GPM6A: variants seen among roughly 807,000 people sequenced by gnomAD.
The protein encoded by GPM6A is neuronal membrane glycoprotein M6-a.
A neutral mutation model predicts 32.1 loss-of-function variants in GPM6A; 7 were observed. The observed-to-expected ratio is 0.22, with a 90% confidence interval of 0.12 to 0.41. The LOEUF (loss-of-function observed/expected upper bound fraction) is 0.41. GPM6A is among the 10% of genes least tolerant of loss of function. The probability of loss-of-function intolerance (pLI) is 1.00; values close to 1 mark genes in which losing one functional copy is unlikely to be tolerated. For missense variants in GPM6A, 235 were observed against 347.2 expected, an observed-to-expected ratio of 0.68 and a Z score of 2.57; for synonymous variants, 130 against 123.4, an observed-to-expected ratio of 1.05 and a Z score of -0.35.
At chr4:175,869,777 C>CAA (rs1215579614) in intron 1 of GPM6A, among the ~76,000 whole-genome samples, 3 of 127,682 alleles carry the variant, frequency 2.3e-5, no homozygotes, top group African/African-American at 6.5e-5. Flanking sequence ...AAAACAAAAA[C>CAA]AAACAAAAAA....
chr4:175,781,080 G>A (rs534179863), intron 1 of GPM6A: 12 of 151,998 alleles, frequency 7.9e-5, no homozygotes, highest in Admixed American at 5.9e-4. Context: ...ATAACTCAGA[G>A]ATGAATAAAA....
chr4:175,857,884 TA>T (rs1195549605), intron 1 of GPM6A, among the ~76,000 whole-genome samples: 1 of 152,022 alleles, frequency 6.6e-6, no homozygotes, highest in South Asian at 2.1e-4. Flanking sequence ...GAAGAAAGAT[TA>T]AAAAAATAGC....
chr4:175,865,598 T>A (rs1185918844), intron 1 of GPM6A, among the ~76,000 whole-genome samples: 1 of 152,204 alleles, frequency 6.6e-6, no homozygotes, highest in Admixed American at 6.6e-5. Context: ...TCTTCTTTAC[T>A]TTCTTTCATA....
intron 1 of GPM6A, chr4:175,811,926 T>C (rs1734935157): frequency 3.2e-6 from 1 of 311,008 alleles, no homozygotes; most frequent in Admixed American, 5.0e-5. Context: ...AAGACTGGTC[T>C]AAGGAATAGT....
intron 1 of GPM6A, among the ~76,000 whole-genome samples, chr4:175,738,658 A>T (rs962273379): frequency 1.3e-5 from 2 of 152,122 alleles, no homozygotes; most frequent in African/African-American, 4.8e-5. Flanking sequence ...ATGAAAAAAA[A>T]TTTTTATAGA....
chr4:175,881,184 G>T (rs772600416), intron 1 of GPM6A, among the ~76,000 whole-genome samples: 2 of 152,088 alleles, frequency 1.3e-5, no homozygotes, highest in South Asian at 2.1e-4. Context: ...GTGGATGAAG[G>T]ATATGAAAAG....
chr4:175,890,754 C>A (rs1223404944), intron 1 of GPM6A, among the ~76,000 whole-genome samples: 1 of 151,916 alleles, frequency 6.6e-6, no homozygotes, highest in African/African-American at 2.4e-5. Flanking sequence ...TGGGGTCTTG[C>A]TGTGTTGCCC....
At chr4:175,975,413 A>G (rs190114159) in intron 1 of GPM6A, among the ~76,000 whole-genome samples, 6 of 152,266 alleles carry the variant, frequency 3.9e-5, no homozygotes, top group African/African-American at 1.2e-4. Flanking sequence ...TAGCCTGTAA[A>G]CATCTGTGAT....
At chr4:175,679,494 A>C (rs1356884539) in intron 2 of GPM6A, among the ~76,000 whole-genome samples, 5 of 152,122 alleles carry the variant, frequency 3.3e-5, no homozygotes, top group Non-Finnish European at 7.4e-5. Flanking sequence ...GAGATACTTT[A>C]AGACCAAGCA....
chr4:175,633,039 T>C lies in GPM6A; in HGVS notation c.*1866A>G, dbSNP rs2110850820. 6.6e-6 allele frequency: 1 copy of C among 152,600 alleles called. No homozygotes were observed. The highest frequency in any genetic ancestry group is 1.5e-5 in the Non-Finnish European group (1 of 67,918). 9.5% of individuals were successfully genotyped at this position (152,600 alleles called of 1,614,324 possible). A position where few individuals can be genotyped will look rare whatever the true frequency, so the allele number is the denominator to read the frequency against. Reference sequence around the variant, plus strand: ...CCATCAAGCTGTTGGCACATTTATGTACAAAACAGATTAATTGTAATGCCT... The same window carrying C: ...CCATCAAGCTGTTGGCACATTTATGCACAAAACAGATTAATTGTAATGCCT... On this transcript the variant is annotated 3_prime_UTR_variant, in exon 7 of 7. Coordinates refer to ENST00000393658, the MANE Select transcript of GPM6A (RefSeq NM_201591.3).
intron 1 of GPM6A, among the ~76,000 whole-genome samples, chr4:175,963,539 C>G (rs150605387): frequency 1.3e-4 from 19 of 151,734 alleles, no homozygotes; most frequent in African/African-American, 4.3e-4. Flanking sequence ...ACCCACCCAC[C>G]TAGAAAAAAT....
chr4:175,936,261 G>C (rs1291645045), intron 1 of GPM6A, among the ~76,000 whole-genome samples: 4 of 117,846 alleles, frequency 3.4e-5, no homozygotes, highest in Non-Finnish European at 4.7e-5. Flanking sequence ...AGCCAAGATC[G>C]CGCCACTGCA....
At chr4:175,905,711 C>G (rs1439476464) in intron 1 of GPM6A, among the ~76,000 whole-genome samples, 5 of 151,972 alleles carry the variant, frequency 3.3e-5, no homozygotes, top group African/African-American at 4.8e-5. Context: ...TACTCTGATC[C>G]CTTTCAGTAT....
chr4:175,681,921 A>C (rs1743709990), intron 2 of GPM6A, among the ~76,000 whole-genome samples: 1 of 152,192 alleles, frequency 6.6e-6, no homozygotes. Context: ...GAAAATGTGA[A>C]AGCAGGTTTG....
At chr4:175,726,234 C>T (rs1257246362) in intron 1 of GPM6A, among the ~76,000 whole-genome samples, 2 of 151,750 alleles carry the variant, frequency 1.3e-5, no homozygotes, top group African/African-American at 4.8e-5. Context: ...CTCCTGACCT[C>T]GTGATCTGCC....
intron 1 of GPM6A, among the ~76,000 whole-genome samples, chr4:175,969,827 G>C (rs1376615732): frequency 1.3e-5 from 2 of 151,908 alleles, no homozygotes; most frequent in African/African-American, 2.4e-5. Context: ...AGGGATGCAG[G>C]GTAAATAGAA....
At chr4:175,913,039 T>C (rs185936380) in intron 1 of GPM6A, among the ~76,000 whole-genome samples, 40 of 152,326 alleles carry the variant, frequency 2.6e-4, no homozygotes, top group African/African-American at 9.1e-4. Context: ...GGAAACAAAC[T>C]CCTAGCATTT....
chr4:175,637,519 T>A (rs1740792123), intron 6 of GPM6A, among the ~76,000 whole-genome samples: 1 of 104,340 alleles, frequency 9.6e-6, no homozygotes, highest in African/African-American at 3.7e-5. Flanking sequence ...CTTTATATTT[T>A]TATATATATA....
At chr4:175,739,149 G>A (rs1731782083) in intron 1 of GPM6A, among the ~76,000 whole-genome samples, 1 of 152,140 alleles carries the variant, frequency 6.6e-6, no homozygotes, top group South Asian at 2.1e-4. Flanking sequence ...TCATCTGACA[G>A]AGTAAGTTCC....
Sources: allele counts gnomAD v4.1 joint callset (sites outside exome capture counted in the v4.1 genomes callset), GRCh38; gene constraint gnomAD v4.1.1; transcripts MANE v1.5; gene names NCBI Gene and HGNC (gene_info 2026-07-23, HGNC 2026-07-21).